ENAM: variants seen among roughly 807,000 people sequenced by gnomAD.
ENAM encodes the protein enamelin, also known as amelogenesis imperfecta 2, hypocalcification (autosomal dominant).
In ENAM, 21 loss-of-function variants were observed where a neutral mutation model predicts 33.6. That is an observed-to-expected ratio of 0.63 (90% CI 0.44 to 0.90). ENAM has a LOEUF of 0.90. Among genes scored for constraint, ENAM ranks in the 40% least tolerant of loss-of-function variants. The probability of loss-of-function intolerance (pLI) is 0.00; values close to 1 mark genes in which losing one functional copy is unlikely to be tolerated. For missense variants in ENAM, 1,388 were observed against 1,366.9 expected (o/e 1.02, Z -0.24); for synonymous variants, 473 against 468.4 (o/e 1.01, Z -0.13).
In ENAM at chr4:70,631,396, CTCTCTCTCTTTCCCTG is replaced by C. The variant is rs1374681230; in HGVS notation, c.55-248_55-233del. On this transcript the variant is annotated intron_variant, in intron 2 of 8. Transcript: ENST00000396073. Reference sequence around the variant, plus strand: ...TCTCTCTCTTTCTCTCTCTCTCTGTCTCTCTCTCTTTCCCTGTCTCTCTCTTTCCCTGTCTCTCTCT... The same window carrying C: ...TCTCTCTCTTTCTCTCTCTCTCTGTCTCTCTCTCTTTCCCTGTCTCTCTCT... 1.1e-4 allele frequency among the ~76,000 whole-genome samples: 16 copies of C among 152,114 alleles called. 1 individual carries two copies. The highest frequency in any genetic ancestry group is 6.2e-4 in the South Asian group (3 of 4,810).
intron 7 of ENAM, chr4:70,637,525 T>G: frequency 2.1e-6 from 1 of 472,112 alleles, no homozygotes; most frequent in South Asian, 2.4e-5. Flanking sequence ...TAAGGAGGAT[T>G]GCCAACAGAT....
rs968135437 is a variant in ENAM at position 70,645,841 on chromosome 4, G to T, written c.*986G>T. 6.6e-6 allele frequency: 1 copy of T among 152,164 alleles called. No homozygotes were observed. Among genetic ancestry groups the T allele is most frequent in the Non-Finnish European group, 1.5e-5 (1 of 68,040 alleles). 9.4% of individuals were successfully genotyped at this position (152,164 alleles called of 1,614,324 possible). A position where few individuals can be genotyped will look rare whatever the true frequency, so the allele number is the denominator to read the frequency against. On this transcript the variant is annotated 3_prime_UTR_variant, in exon 9 of 9. Transcript: ENST00000396073. ...GTAGACACAGTTCAGTTAGAGAGAC[G>T]TATTTAAGGAGAAGGGAAGGCAGGA... is the stretch of plus-strand genomic sequence containing the variant.
intron 8 of ENAM, among the ~76,000 whole-genome samples, chr4:70,639,283 C>G (rs16845251): frequency 2.2e-5 from 3 of 136,378 alleles, no homozygotes; most frequent in Middle Eastern, 8.2e-3. Context: ...GCAGTTATCA[C>G]AGGCTTTAAG....
At chr4:70,635,512 A>G (rs1454184180) in intron 6 of ENAM, among the ~76,000 whole-genome samples, 1 of 152,236 alleles carries the variant, frequency 6.6e-6, no homozygotes, top group Non-Finnish European at 1.5e-5. Context: ...TTTACGAGCA[A>G]TGAGATTTTG....
In ENAM at chr4:70,636,755, C is replaced by A. The variant is rs373962501; in HGVS notation, c.534+861C>A. ...TTGCACTCCAGCCTAGGTGACAGAG[C>A]GAGACTCCGTCTCAAAAAAAAAAAA... On this transcript the variant is annotated intron_variant, in intron 7 of 8. Transcript: ENST00000396073. 1.7e-3 allele frequency among the ~76,000 whole-genome samples: 248 copies of A among 148,558 alleles called. 1 individual carries two copies. The highest frequency in any genetic ancestry group is 6.0e-3 in the African/African-American group (240 of 40,290).
intron 7 of ENAM, chr4:70,637,530 A>G (rs892126377): frequency 4.2e-6 from 2 of 481,312 alleles, no homozygotes; most frequent in Non-Finnish European, 7.5e-6. Context: ...AGGATTGCCA[A>G]CAGATGCAGC....
At chr4:70,638,511 G>A (rs2109823205) in intron 8 of ENAM, among the ~76,000 whole-genome samples, 1 of 142,610 alleles carries the variant, frequency 7.0e-6, no homozygotes, top group East Asian at 2.0e-4. Context: ...CCTTGGGGGT[G>A]GAGGTTGCAG....
At position 70,643,576 on chromosome 4, in the gene ENAM, G is replaced by C; in HGVS notation, c.2150G>C (p.Ser717Thr). ...AAACCAAGGGAGGATTTTTATTACA[G>C]TGAATTTTACCCATGGAGCCCGGAT... ...PSKPREDFYY[S>T]EFYPWSPDEN... Residue 717 changes from serine (S) to threonine (T), a missense_variant, in exon 9 of 9, where the codon AGT (serine) becomes ACT (threonine). Physicochemically the swap from Ser to Thr is moderately conservative, Grantham distance 58. Transcript: ENST00000396073. The C allele has an allele frequency of 6.2e-7, 1 of 1,614,068 alleles. No individual in the cohort carries two copies. The highest frequency in any genetic ancestry group is 8.5e-7 in the Non-Finnish European group (1 of 1,179,986).
At chr4:70,632,182 A>G (rs1414742037) in intron 4 of ENAM, among the ~76,000 whole-genome samples, 1 of 152,166 alleles carries the variant, frequency 6.6e-6, no homozygotes. Flanking sequence ...AAAAGTGACC[A>G]ATTGTACCAA....
chr4:70,640,430 C>A (rs1303717515), intron 8 of ENAM, among the ~76,000 whole-genome samples: 1 of 152,080 alleles, frequency 6.6e-6, no homozygotes, highest in Non-Finnish European at 1.5e-5. Context: ...ATGAATAAGC[C>A]GTGTGCAAAG....
chr4:70,633,786 G>A (rs886067876), intron 5 of ENAM, among the ~76,000 whole-genome samples: 9 of 152,152 alleles, frequency 5.9e-5, no homozygotes, highest in African/African-American at 1.9e-4. Context: ...TGGATTTAAT[G>A]AGGATCCACC....
Position 70,637,840 on chromosome 4 carries a change from G to A in ENAM, c.585G>A (p.Gly195=), listed in dbSNP as rs778378990. ...YGRPPISNEE[G]GNPYFGYFGY... ...GCCCACCAATCAGCAATGAAGAAGG[G>A]GGGGTAAGTACAAGTAAAACTACAT... Residue 195 remains glycine (G), a synonymous_variant, in exon 8 of 9, where the codon GGG becomes GGA. Transcript: ENST00000396073. 35 of 1,610,614 alleles carry A rather than the reference G, an allele frequency of 2.2e-5. No homozygotes were observed. Among genetic ancestry groups the A allele is most frequent in the Non-Finnish European group, 2.9e-5 (34 of 1,176,802 alleles).
chr4:70,636,006 G>C, intron 7 of ENAM, 112 bp downstream of exon 7: 1 of 584,142 alleles, frequency 1.7e-6, no homozygotes, highest in South Asian at 2.6e-5. Flanking sequence ...CCAATCAGTA[G>C]ATGGTATGAA....
chr4:70,632,388 T>C (rs535031821), intron 4 of ENAM, among the ~76,000 whole-genome samples: 1 of 152,234 alleles, frequency 6.6e-6, no homozygotes, highest in South Asian at 2.1e-4. Flanking sequence ...TTTTATTTTC[T>C]ATGATTCTCT....
At chr4:70,637,146 G>A (rs565550477) in intron 7 of ENAM, among the ~76,000 whole-genome samples, 180 of 152,316 alleles carry the variant, frequency 1.2e-3, no homozygotes, top group Middle Eastern at 0.01. Context: ...AATTAAGGCA[G>A]TACAAGGTAA....
intron 8 of ENAM, among the ~76,000 whole-genome samples, chr4:70,641,623 C>T (rs905976869): frequency 6.6e-6 from 1 of 151,696 alleles, no homozygotes; most frequent in African/African-American, 2.4e-5. Context: ...CTCCTGACCT[C>T]GTGATCCACC....
intron 5 of ENAM, 72 bp downstream of exon 5, chr4:70,632,764 A>C: frequency 9.7e-7 from 1 of 1,026,654 alleles, no homozygotes. Context: ...AGTTTGCCTT[A>C]GTCAATAGAG....
At chr4:70,637,652 C>T (rs1738487267) in intron 7 of ENAM, 138 bp from the exon 8 acceptor site, 2 of 751,684 alleles carry the variant, frequency 2.7e-6, no homozygotes, top group Non-Finnish European at 4.9e-6. Context: ...GAGCTAATAA[C>T]TCAAACGCTA....
At chr4:70,631,924 A>T (rs1462740478) in intron 4 of ENAM, 31 bp downstream of exon 4, 1 of 1,575,610 alleles carries the variant, frequency 6.3e-7, no homozygotes, top group African/African-American at 1.3e-5. Context: ...AGGAGAAGTT[A>T]TCCAGAGTCC....
Sources: gnomAD v4.1 joint callset for allele counts (sites outside exome capture counted in the v4.1 genomes callset) on GRCh38, gnomAD v4.1.1 for gene constraint, MANE v1.5 for transcripts, NCBI Gene and HGNC (gene_info 2026-07-23, HGNC 2026-07-21) for gene names.